DRD1: variants seen among roughly 807,000 people sequenced by gnomAD.
DRD1 encodes the protein dopamine receptor D1.
Under a neutral mutation model 23.8 loss-of-function variants are expected in DRD1, and 2 were observed. The observed-to-expected ratio is 0.08, with a 90% CI of 0.03 to 0.26. The LOEUF is 0.26. Among genes scored for constraint, DRD1 ranks in the 10% least tolerant of loss-of-function variants. The pLI, the probability that DRD1 is intolerant of heterozygous loss-of-function variation, is 1.00. For synonymous variants in DRD1, 218 were observed against 225.7 expected (o/e 0.97, Z 0.30); for missense variants, 376 against 559.0 (o/e 0.67, Z 3.30).
chr5:175,443,095 C>T lies in DRD1; in HGVS notation c.5G>A (p.Arg2Lys), dbSNP rs754681988. The T allele has an allele frequency of 6.2e-7, 1 of 1,613,090 alleles. No individual in the cohort carries two copies. Among genetic ancestry groups the T allele is most frequent in the Non-Finnish European group, 8.5e-7 (1 of 1,179,412 alleles). M[R>K]TLNTSAMDGT... ...GTCCATGGCAGAGGTGTTCAGAGTC[C>T]TCATCTTCCTAAGAGAAAGCACATC... Residue 2 changes from arginine to lysine, a missense_variant, in exon 2 of 2, where the codon AGG becomes AAG. This residue lies in a region of DRD1 where 47 missense variants were observed against 39.4 expected (regional missense o/e 1.19). Transcript: ENST00000393752.
rs1208830234 is a variant in DRD1 at position 175,442,017 on chromosome 5, C to T, written c.1083G>A (p.Val361=). ...TCGCGGCCCCATTGTTATTGATACT[C>T]ACCGTCTCTATGGCATTATTCGTCG... is the stretch of plus-strand genomic sequence containing the variant. ...CPATNNAIET[V]SINNNGAAMF... is the part of the protein sequence containing the mutation. Residue 361 remains valine, a synonymous_variant, in exon 2 of 2, where the codon GTG becomes GTA. Transcript: ENST00000393752. The surrounding 1 kb of genome is among the most constrained non-coding windows in gnomAD (Gnocchi z 7.3). 3 of 1,614,154 alleles carry T rather than the reference C, an allele frequency of 1.9e-6. No homozygotes were observed. The highest frequency in any genetic ancestry group is 2.2e-5 in the East Asian group (1 of 44,856).
rs924794837 is a variant in DRD1 at position 175,441,092 on chromosome 5, G to A, written c.*667C>T. On this transcript the variant is annotated 3_prime_UTR_variant, in exon 2 of 2. Coordinates refer to ENST00000393752, the MANE Select transcript of DRD1 (RefSeq NM_000794.5). The stretch of plus-strand genomic sequence containing the variant: ...CAGAGTCTGTGTGTTTGCTTCATTG[G>A]CTTATAAAGTGCTAGTTAAATGGCC... 2 of 152,394 alleles carry A rather than the reference G, an allele frequency of 1.3e-5. No individual in the cohort carries two copies. The highest frequency in any genetic ancestry group is 4.8e-5 in the African/African-American group (2 of 41,380). 9.4% of individuals were successfully genotyped at this position (152,394 alleles called of 1,614,324 possible).
rs752562538 is a variant in DRD1 at position 175,442,332 on chromosome 5, C to T, written c.768G>A (p.Pro256=). The T allele has an allele frequency of 5.2e-5, 84 of 1,613,972 alleles. No individual in the cohort carries two copies. The highest frequency in any genetic ancestry group is 1.2e-4 in the African/African-American group (9 of 74,912). ...GNGKPVECSQ[P]ESSFKMSFKR... is the part of the protein sequence containing the mutation. ...TGAAGGACATCTTAAAAGAACTTTC[C>T]GGTTGAGAACATTCGACAGGCTTTC... Residue 256 remains proline, a synonymous_variant, in exon 2 of 2, where the codon CCG becomes CCA. Coordinates refer to ENST00000393752, the MANE Select transcript of DRD1 (RefSeq NM_000794.5). The surrounding 1 kb of genome is among the most constrained non-coding windows in gnomAD (Gnocchi z 7.3).
Position 175,443,331 on chromosome 5 carries a change from C to T in DRD1, c.-232G>A, listed in dbSNP as rs1344551274. 1 of 593,202 alleles carries T rather than the reference C, an allele frequency of 1.7e-6. No individual in the cohort carries two copies. The highest frequency in any genetic ancestry group is 1.9e-5 in the African/African-American group (1 of 53,766). The allele number at this position is 593,202 out of a possible 1,614,324, so 36.7% of individuals were successfully genotyped here. A position where few individuals can be genotyped will look rare whatever the true frequency, so the allele number is the denominator to read the frequency against. On this transcript the variant is annotated 5_prime_UTR_variant, in exon 2 of 2. Coordinates refer to ENST00000393752, the MANE Select transcript of DRD1 (RefSeq NM_000794.5). Reference sequence around the variant, plus strand: ...ATTTCTACATCTGTCTTCTGACTCCCTTGCTGCAGGTCACTGTCTTGGGCA... The same window carrying T: ...ATTTCTACATCTGTCTTCTGACTCCTTTGCTGCAGGTCACTGTCTTGGGCA...
Position 175,440,327 on chromosome 5 carries a change from C to A in DRD1, c.*1432G>T, listed in dbSNP as rs567574648. The A allele has an allele frequency of 6.6e-6, 1 of 152,238 alleles. No individual in the cohort carries two copies. Among genetic ancestry groups the A allele is most frequent in the African/African-American group, 2.4e-5 (1 of 41,526 alleles). The allele number at this position is 152,238 out of a possible 1,614,324, so 9.4% of individuals were successfully genotyped here. A position where few individuals can be genotyped will look rare whatever the true frequency, so the allele number is the denominator to read the frequency against. On this transcript the variant is annotated 3_prime_UTR_variant, in exon 2 of 2. Coordinates refer to ENST00000393752, the MANE Select transcript of DRD1 (RefSeq NM_000794.5). ...ATGATGCAGGAACCTGATTCCAAAG[C>A]ACAGAGAAAGGACTAGCATTTGTCA...
chr5:175,442,342 C>T lies in DRD1; in HGVS notation c.758G>A (p.Cys253Tyr), dbSNP rs1758537869. The T allele has an allele frequency of 6.2e-7, 1 of 1,614,018 alleles. No individual in the cohort carries two copies. The highest frequency in any genetic ancestry group is 1.3e-5 in the African/African-American group (1 of 74,934). The change falls in exon 2 of 2, where the codon TGT becomes TAT. Residue 253 changes from cysteine to tyrosine, a missense_variant. Physicochemically the swap from Cys to Tyr is radical, Grantham distance 194 (BLOSUM62 -2). This residue lies in a region of DRD1 where 44 missense variants were observed against 46.7 expected (regional missense o/e 0.94). Coordinates refer to ENST00000393752, the MANE Select transcript of DRD1 (RefSeq NM_000794.5). The surrounding 1 kb of genome is among the most constrained non-coding windows in gnomAD (Gnocchi z 7.3). ...TTTGNGKPVE[C>Y]SQPESSFKMS... is the part of the protein sequence containing the mutation. ...CTTAAAAGAACTTTCCGGTTGAGAA[C>T]ATTCGACAGGCTTTCCATTACCTGT...
rs764182655 is a variant in DRD1 at position 175,442,687 on chromosome 5, T to G, written c.413A>C (p.Lys138Thr). The G allele has an allele frequency of 1.4e-5, 22 of 1,613,936 alleles. No homozygotes were observed. The highest frequency in any genetic ancestry group is 1.9e-5 in the Non-Finnish European group (22 of 1,180,016). Residue 138 changes from lysine to threonine, a missense_variant, in exon 2 of 2, where the codon AAG becomes ACG. By Grantham distance (78) the Lys-to-Thr change is moderately conservative. This residue lies in a region of DRD1 where 121 missense variants were observed against 239.4 expected (regional missense o/e 0.51). Coordinates refer to ENST00000393752, the MANE Select transcript of DRD1 (RefSeq NM_000794.5). This position sits in a 1 kb window ranked among gnomAD's most constrained non-coding sequence, Gnocchi z 7.3. ...CACACTGATCAGGATGAAGGCTGCC[T>G]TGGGGGTCATCTTTCTCTCATACCG... ...PFRYERKMTP[K>T]AAFILISVAW...
chr5:175,441,075 G>T lies in DRD1; in HGVS notation c.*684C>A, dbSNP rs1197898952. On this transcript the variant is annotated 3_prime_UTR_variant, in exon 2 of 2. Transcript: ENST00000393752. ...GAACATTTAGAATCTCACAGAGTCT[G>T]TGTGTTTGCTTCATTGGCTTATAAA... 6.6e-6 allele frequency: 1 copy of T among 152,516 alleles called. No homozygotes were observed. The highest frequency in any genetic ancestry group is 1.5e-5 in the Non-Finnish European group (1 of 68,038). 9.4% of individuals were successfully genotyped at this position (152,516 alleles called of 1,614,324 possible).
rs1758547833 is a variant in DRD1 at position 175,442,893 on chromosome 5, T to A, written c.207A>T (p.Ser69=). The A allele has an allele frequency of 1.2e-6, 2 of 1,612,634 alleles. No individual in the cohort carries two copies. The highest frequency in any genetic ancestry group is 2.2e-5 in the South Asian group (2 of 90,940). Reference sequence around the variant, plus strand: ...TGACCAGGACGGCCACCAAGAGATCTGACACAGCCAAGGAGATGACAAAGA... The same window carrying A: ...TGACCAGGACGGCCACCAAGAGATCAGACACAGCCAAGGAGATGACAAAGA... ...TNFFVISLAV[S]DLLVAVLVMP... Residue 69 remains serine, a synonymous_variant, in exon 2 of 2, where the codon TCA becomes TCT. Transcript: ENST00000393752. This position sits in a 1 kb window ranked among gnomAD's most constrained non-coding sequence, Gnocchi z 7.3.
In DRD1 at chr5:175,442,716, A is replaced by G; in HGVS notation, c.384T>C (p.Pro128=). ...SVDRYWAISS[P]FRYERKMTPK... is the part of the protein sequence containing the mutation. Reference sequence around the variant, plus strand: ...GGGTCATCTTTCTCTCATACCGGAAAGGGCTGGAGATAGCCCAATACCTGT... The same window carrying G: ...GGGTCATCTTTCTCTCATACCGGAAGGGGCTGGAGATAGCCCAATACCTGT... The change falls in exon 2 of 2, where the codon CCT becomes CCC. Residue 128 remains proline, a synonymous_variant. Coordinates refer to ENST00000393752, the MANE Select transcript of DRD1 (RefSeq NM_000794.5). This position sits in a 1 kb window ranked among gnomAD's most constrained non-coding sequence, Gnocchi z 7.3. The G allele has an allele frequency of 6.2e-7, 1 of 1,614,154 alleles. No individual in the cohort carries two copies. The highest frequency in any genetic ancestry group is 8.5e-7 in the Non-Finnish European group (1 of 1,180,026).
Position 175,441,671 on chromosome 5 carries a change from A to G in DRD1, c.*88T>C. ...GGCTCTCCTGACACCTCAGAGTCTC[A>G]CCGTACCTTAGTTTCTTAATAGCAA... On this transcript the variant is annotated 3_prime_UTR_variant, in exon 2 of 2. Transcript: ENST00000393752. 6.8e-7 allele frequency: 1 copy of G among 1,480,152 alleles called. No homozygotes were observed. Among genetic ancestry groups the G allele is most frequent in the South Asian group, 1.4e-5 (1 of 72,728 alleles). 91.7% of individuals were successfully genotyped at this position (1,480,152 alleles called of 1,614,324 possible).
rs1328260721 is a variant in DRD1, at chr5:175,444,070, G to T, written c.-855C>A. 6.6e-6 allele frequency: 1 copy of T among 152,538 alleles called. No individual in the cohort carries two copies. The highest frequency in any genetic ancestry group is 2.4e-5 in the African/African-American group (1 of 41,468). 9.4% of individuals were successfully genotyped at this position (152,538 alleles called of 1,614,324 possible). A position where few individuals can be genotyped will look rare whatever the true frequency, so the allele number is the denominator to read the frequency against. On this transcript the variant is annotated 5_prime_UTR_variant, in exon 1 of 2. Coordinates refer to ENST00000393752, the MANE Select transcript of DRD1 (RefSeq NM_000794.5). ...CCAGAGCCTTGGCGAACCTCGGGCG[G>T]CCTTCAGCCCTACAGAGCAGGGCCC...
rs1412573781 is a variant in DRD1, at chr5:175,440,974, C to T, written c.*785G>A. 6.6e-6 allele frequency: 1 copy of T among 152,530 alleles called. No homozygotes were observed. The highest frequency in any genetic ancestry group is 1.5e-5 in the Non-Finnish European group (1 of 68,036). The allele number at this position is 152,530 out of a possible 1,614,324, so 9.4% of individuals were successfully genotyped here. A position where few individuals can be genotyped will look rare whatever the true frequency, so the allele number is the denominator to read the frequency against. ...ATTCTCACCTTGCATTTATCTGTGT[C>T]CATGAATTTTAAGGAATCATTTCAA... On this transcript the variant is annotated 3_prime_UTR_variant, in exon 2 of 2. Transcript: ENST00000393752.
chr5:175,443,966 G>C lies in DRD1; in HGVS notation c.-751C>G, dbSNP rs1239876108. ...AGACCCCGGCTAAGGGCTCCTGGGC[G>C]CTCGGAGCTTCCTTGGGAGAGAGCA... On this transcript the variant is annotated 5_prime_UTR_variant, in exon 1 of 2. Coordinates refer to ENST00000393752, the MANE Select transcript of DRD1 (RefSeq NM_000794.5). 6.6e-6 allele frequency: 1 copy of C among 152,462 alleles called. No homozygotes were observed. Among genetic ancestry groups the C allele is most frequent in the African/African-American group, 2.4e-5 (1 of 41,468 alleles). The allele number at this position is 152,462 out of a possible 1,614,324, so 9.4% of individuals were successfully genotyped here.
rs1758530839 is a variant in DRD1, at chr5:175,442,036, T to C, written c.1064A>G (p.Asn355Ser). ...GATACTCACCGTCTCTATGGCATTATTCGTCGCAGGGCAAAGTCTGTAGCA... is the reference window on the plus strand; with the variant it reads ...GATACTCACCGTCTCTATGGCATTACTCGTCGCAGGGCAAAGTCTGTAGCA... ...LGCYRLCPAT[N>S]NAIETVSINN... The change falls in exon 2 of 2, where the codon AAT becomes AGT. Residue 355 changes from asparagine (N) to serine (S), a missense_variant. Transcript: ENST00000393752. This position sits in a 1 kb window ranked among gnomAD's most constrained non-coding sequence, Gnocchi z 7.3. 6.2e-7 allele frequency: 1 copy of C among 1,614,048 alleles called. No homozygotes were observed. The highest frequency in any genetic ancestry group is 8.5e-7 in the Non-Finnish European group (1 of 1,180,038).
Position 175,442,206 on chromosome 5 carries a change from A to G in DRD1, c.894T>C (p.Cys298=), listed in dbSNP as rs1008375216. 1.2e-6 allele frequency: 2 copies of G among 1,614,228 alleles called. No individual in the cohort carries two copies. The highest frequency in any genetic ancestry group is 1.7e-6 in the Non-Finnish European group (2 of 1,180,052). Residue 298 remains cysteine (C), a synonymous_variant, in exon 2 of 2, where the codon TGT becomes TGC. Coordinates refer to ENST00000393752, the MANE Select transcript of DRD1 (RefSeq NM_000794.5). The surrounding 1 kb of genome is among the most constrained non-coding windows in gnomAD (Gnocchi z 7.3). ...AGAAGGGCTGCGTCTCCCCAGACCCACAGAAGGGCAAAATGCAGTTCAAGA... is the reference window on the plus strand; with the variant it reads ...AGAAGGGCTGCGTCTCCCCAGACCCGCAGAAGGGCAAAATGCAGTTCAAGA... ...FFILNCILPF[C]GSGETQPFCI... is the part of the protein sequence containing the mutation.
In DRD1 at chr5:175,441,331, G is replaced by T. The variant is rs190425059; in HGVS notation, c.*428C>A. The T allele has an allele frequency of 7.1e-3, 1,106 of 156,136 alleles. 10 individuals are homozygous for T. The highest frequency in any genetic ancestry group is 0.02 in the Middle Eastern group (6 of 300). The allele number at this position is 156,136 out of a possible 1,614,324, so 9.7% of individuals were successfully genotyped here. On this transcript the variant is annotated 3_prime_UTR_variant, in exon 2 of 2. Transcript: ENST00000393752. ...TTTTAGAAATAATTTATGAAGGCAT[G>T]CACCTACCTTTACAATCTGAAAACT...
chr5:175,441,665 A>G lies in DRD1; in HGVS notation c.*94T>C. On this transcript the variant is annotated 3_prime_UTR_variant, in exon 2 of 2. Coordinates refer to ENST00000393752, the MANE Select transcript of DRD1 (RefSeq NM_000794.5). ...GCAGAGGGCTCTCCTGACACCTCAG[A>G]GTCTCACCGTACCTTAGTTTCTTAA... is the stretch of plus-strand genomic sequence containing the variant. 1 of 1,456,488 alleles carries G rather than the reference A, an allele frequency of 6.9e-7. No homozygotes were observed. The highest frequency in any genetic ancestry group is 9.1e-7 in the Non-Finnish European group (1 of 1,095,050). The allele number at this position is 1,456,488 out of a possible 1,614,324, so 90.2% of individuals were successfully genotyped here. A position where few individuals can be genotyped will look rare whatever the true frequency, so the allele number is the denominator to read the frequency against.
Position 175,443,701 on chromosome 5 carries a change from T to C in DRD1, c.-486A>G, listed in dbSNP as rs1233669784. 1 of 153,276 alleles carries C rather than the reference T, an allele frequency of 6.5e-6. No homozygotes were observed. The highest frequency in any genetic ancestry group is 1.5e-5 in the Non-Finnish European group (1 of 68,788). The allele number at this position is 153,276 out of a possible 1,614,324, so 9.5% of individuals were successfully genotyped here. A position where few individuals can be genotyped will look rare whatever the true frequency, so the allele number is the denominator to read the frequency against. On this transcript the variant is annotated splice_region_variant and 5_prime_UTR_variant, in exon 1 of 2. Coordinates refer to ENST00000393752, the MANE Select transcript of DRD1 (RefSeq NM_000794.5). ...GCGAGCCCGTCCGAGCCACCTACCT[T>C]GCCTTGGGGTCGTCTCTCTCAAAGC...
Sources: gnomAD v4.1 joint callset for allele counts on GRCh38, gnomAD v4.1.1 for gene constraint, gnomAD v4.1.1 regional missense constraint, Gnocchi (gnomAD v3.1) non-coding constraint, MANE v1.5 for transcripts, NCBI Gene and HGNC (gene_info 2026-07-23, HGNC 2026-07-21) for gene names.